Variants in PDE4D observed in about 807,000 individuals in gnomAD.
The protein encoded by PDE4D is 3',5'-cyclic-AMP phosphodiesterase 4D.
In PDE4D, 24 loss-of-function variants were observed where a neutral mutation model predicts 87.4. The observed-to-expected ratio is 0.27, with a 90% confidence interval of 0.20 to 0.39. PDE4D has a LOEUF of 0.39. PDE4D is among the 10% of genes least tolerant of loss of function. The pLI is 1.00. For synonymous variants in PDE4D, 384 were observed against 383.2 expected, an observed-to-expected ratio of 1.00 and a Z score of -0.02; for missense variants, 714 against 1,041.0, an observed-to-expected ratio of 0.69 and a Z score of 4.32.
intron 3 of PDE4D, among the ~76,000 whole-genome samples, chr5:59,979,563 C>T (rs1237905987): frequency 2.0e-5 from 3 of 151,998 alleles, no homozygotes; most frequent in African/African-American, 4.8e-5. Flanking sequence ...TAACGAAGCT[C>T]AGAGCCACGA....
chr5:60,141,542 A>G (rs1260907231), intron 2 of PDE4D, among the ~76,000 whole-genome samples: 1 of 151,912 alleles, frequency 6.6e-6, no homozygotes, highest in Non-Finnish European at 1.5e-5. Context: ...TTGCTTTAGG[A>G]CTCTTCGGTG....
At chr5:59,957,941 T>G (rs1759027412) in intron 3 of PDE4D, among the ~76,000 whole-genome samples, 1 of 152,130 alleles carries the variant, frequency 6.6e-6, no homozygotes, top group Non-Finnish European at 1.5e-5. Context: ...CCTGGAGAGT[T>G]TCCTGATTTA....
chr5:60,128,419 T>G (rs1779296214), intron 2 of PDE4D, among the ~76,000 whole-genome samples: 1 of 152,174 alleles, frequency 6.6e-6, no homozygotes. Context: ...TGTATAGACA[T>G]GTAGATGTAA....
chr5:60,195,436 A>C (rs1211387245), intron 1 of PDE4D, among the ~76,000 whole-genome samples: 1 of 151,826 alleles, frequency 6.6e-6, no homozygotes, highest in East Asian at 1.9e-4. Context: ...TGAACAGAGA[A>C]TTAAGAGAAG....
rs752886348 is a variant in PDE4D at position 59,046,403 on chromosome 5, T to TGA, written c.809-7434_809-7433dup. 6.5e-4 allele frequency among the ~76,000 whole-genome samples: 93 copies of TGA among 143,692 alleles called. No homozygotes were observed. The South Asian group carries it at 8.5e-3, about 13-fold the overall frequency. The allele number at this position is 143,692 out of a possible 152,430, so 94.3% of individuals were successfully genotyped here. ...GCATGTATGTAAGGGCATGAAAGAG[T>TGA]GAGAGAGAGAGAGAGAATGTGTGTG... On this transcript the variant is annotated intron_variant, in intron 5 of 14. Coordinates refer to ENST00000340635, the MANE Select transcript of PDE4D (RefSeq NM_001104631.2).
chr5:59,395,541 C>A (rs1365560039), intron 1 of PDE4D, among the ~76,000 whole-genome samples: 1 of 151,714 alleles, frequency 6.6e-6, no homozygotes, highest in African/African-American at 2.4e-5. Context: ...AGAAGGAAAA[C>A]TAACAAACAG....
Position 59,544,698 on chromosome 5 carries a change from A to G in PDE4D, c.456-328730T>C, listed in dbSNP as rs79191611. Among the ~76,000 whole-genome samples, 359 of 152,286 alleles carry G rather than the reference A, an allele frequency of 2.4e-3. 8 individuals carry two copies. The East Asian group carries it at 0.032, about 13-fold the overall frequency. ...GCTGGAAGCTCTCTCCACAGTGAGT[A>G]GTGGGGAGAAGGGGAGAAGCGAGCT... On this transcript the variant is annotated intron_variant, in intron 1 of 14. Coordinates refer to ENST00000340635, the MANE Select transcript of PDE4D (RefSeq NM_001104631.2).
At chr5:59,347,009 C>A (rs1779720088) in intron 1 of PDE4D, among the ~76,000 whole-genome samples, 1 of 152,036 alleles carries the variant, frequency 6.6e-6, no homozygotes, top group Non-Finnish European at 1.5e-5. Flanking sequence ...AGTTTTGTTG[C>A]TTGTTTTTTT....
At chr5:59,312,480 G>C (rs887094258) in intron 1 of PDE4D, among the ~76,000 whole-genome samples, 1 of 152,158 alleles carries the variant, frequency 6.6e-6, no homozygotes, top group Non-Finnish European at 1.5e-5. Context: ...GTGTCTAATA[G>C]AGGTAATAAA....
intron 1 of PDE4D, among the ~76,000 whole-genome samples, chr5:60,235,110 A>G (rs1746274753): frequency 6.6e-6 from 1 of 151,896 alleles, no homozygotes; most frequent in Admixed American, 6.6e-5. Context: ...TAAAATGTGT[A>G]TGATAAATAT....
intron 1 of PDE4D, among the ~76,000 whole-genome samples, chr5:59,515,714 G>A (rs1383434879): frequency 6.6e-6 from 1 of 152,170 alleles, no homozygotes; most frequent in Non-Finnish European, 1.5e-5. Context: ...GTCTACAGTG[G>A]ATGTGAATAA....
chr5:59,199,741 C>T (rs779456786), intron 2 of PDE4D, among the ~76,000 whole-genome samples: 9 of 151,972 alleles, frequency 5.9e-5, no homozygotes, highest in Non-Finnish European at 1.2e-4. Context: ...AGGAGGACCA[C>T]GTCTACTCAC....
intron 6 of PDE4D, among the ~76,000 whole-genome samples, chr5:59,034,851 A>T (rs1167879052): frequency 6.6e-6 from 1 of 152,222 alleles, no homozygotes; most frequent in Non-Finnish European, 1.5e-5. Flanking sequence ...AGCCATGCCA[A>T]ACCTCAAACT....
At chr5:60,233,935 T>C (rs912195585) in intron 1 of PDE4D, among the ~76,000 whole-genome samples, 6 of 151,816 alleles carry the variant, frequency 4.0e-5, no homozygotes, top group Non-Finnish European at 7.4e-5. Context: ...CCATGCTATC[T>C]CAACATACAT....
At chr5:59,033,920 A>G (rs561812451) in intron 6 of PDE4D, among the ~76,000 whole-genome samples, 3 of 152,276 alleles carry the variant, frequency 2.0e-5, no homozygotes, top group African/African-American at 7.2e-5. Context: ...GAATAATTAA[A>G]CTTTCACTAA....
At chr5:59,444,576 G>A (rs1444137396) in intron 1 of PDE4D, among the ~76,000 whole-genome samples, 1 of 152,158 alleles carries the variant, frequency 6.6e-6, no homozygotes, top group African/African-American at 2.4e-5. Flanking sequence ...ACTTTGGGAG[G>A]CCGAGGCGGG....
chr5:59,129,730 G>A (rs1328204161), intron 5 of PDE4D, among the ~76,000 whole-genome samples: 1 of 152,092 alleles, frequency 6.6e-6, no homozygotes, highest in Admixed American at 6.5e-5. Flanking sequence ...ATCACATTCT[G>A]GTCGCGAATG....
At chr5:60,087,971 C>T (rs1774713154) in intron 2 of PDE4D, among the ~76,000 whole-genome samples, 1 of 151,802 alleles carries the variant, frequency 6.6e-6, no homozygotes, top group African/African-American at 2.4e-5. Context: ...TAGTAAAAAT[C>T]AAAAACAAAG....
chr5:60,441,791 C>A (rs1423915033), intron 1 of PDE4D, among the ~76,000 whole-genome samples: 1 of 152,148 alleles, frequency 6.6e-6, no homozygotes, highest in Non-Finnish European at 1.5e-5. Context: ...TATGAACAGA[C>A]ACTTCTCAAA....
Sources: gnomAD v4.1 joint callset for allele counts (sites outside exome capture counted in the v4.1 genomes callset) on GRCh38, gnomAD v4.1.1 for gene constraint, MANE v1.5 for transcripts, NCBI Gene and HGNC (gene_info 2026-07-23, HGNC 2026-07-21) for gene names.